Variants in IL1R1 observed in about 807,000 individuals in gnomAD.
IL1R1 encodes the protein interleukin-1 receptor type 1.
Under a neutral mutation model 50.2 loss-of-function variants are expected in IL1R1, and 22 were observed. That is an observed-to-expected ratio of 0.44 (90% CI 0.31 to 0.63). IL1R1 has a LOEUF of 0.63. Ranked by LOEUF, IL1R1 falls within the 20% of genes least tolerant of loss-of-function variation. IL1R1 has a pLI of 0.07. For missense variants in IL1R1, 509 were observed against 676.2 expected, an observed-to-expected ratio of 0.75 and a Z score of 2.74; for synonymous variants, 251 against 236.7, an observed-to-expected ratio of 1.06 and a Z score of -0.55.
intron 2 of IL1R1, 121 bp from the exon 3 acceptor site, chr2:102,157,598 A>T (rs1259488673): frequency 5.8e-6 from 4 of 687,620 alleles, no homozygotes; most frequent in Non-Finnish European, 1.0e-5. Context: ...AAACCAGTTC[A>T]TCAGTGTGAC....
intron 2 of IL1R1, among the ~76,000 whole-genome samples, chr2:102,154,586 A>G (rs1261811068): frequency 1.3e-5 from 2 of 151,484 alleles, no homozygotes; most frequent in African/African-American, 4.9e-5. Flanking sequence ...GTTCTCAAAT[A>G]TGCCCCCGCC....
rs1174643576 is a variant in IL1R1 at position 102,179,726 on chromosome 2, TGAA to T, written c.*2969_*2971del. On this transcript the variant is annotated 3_prime_UTR_variant, in exon 12 of 12. Transcript: ENST00000410023. ...GATAAATTATGTTTGTACTAGTTGATGAAGGAGTTTTTTTTAACCTGTTTATAT... is the reference window on the plus strand; with the variant it reads ...GATAAATTATGTTTGTACTAGTTGATGGAGTTTTTTTTAACCTGTTTATAT... 5 of 152,814 alleles carry T rather than the reference TGAA, an allele frequency of 3.3e-5. No homozygotes were observed. The highest frequency in any genetic ancestry group is 2.0e-4 in the Admixed American group (3 of 15,282). 9.5% of individuals were successfully genotyped at this position (152,814 alleles called of 1,614,324 possible).
At chr2:102,172,371 C>G in intron 8 of IL1R1, 3 of 985,374 alleles carry the variant, frequency 3.0e-6, no homozygotes, top group Non-Finnish European at 3.6e-6. Flanking sequence ...ACTTTGTCAT[C>G]TGCCCCAATC....
intron 1 of IL1R1, among the ~76,000 whole-genome samples, chr2:102,135,162 A>G (rs2104424733): frequency 6.6e-6 from 1 of 152,244 alleles, no homozygotes; most frequent in East Asian, 1.9e-4. Flanking sequence ...TAAAATCAAA[A>G]GGTAATAAAC....
In IL1R1 at chr2:102,163,851, G is replaced by A. The variant is rs147047693; in HGVS notation, c.62-923G>A. ...CCAGAATGTTCTTGAGCTTTGTTCT[G>A]CCACATGATTGTTACTTGGAAATGG... On this transcript the variant is annotated intron_variant, in intron 3 of 11. Coordinates refer to ENST00000410023, the MANE Select transcript of IL1R1 (RefSeq NM_000877.4). Among the ~76,000 whole-genome samples, 3 of 152,184 alleles carry A rather than the reference G, an allele frequency of 2.0e-5. No homozygotes were observed. The East Asian group carries it at 5.8e-4, about 29-fold the overall frequency.
chr2:102,143,172 G>A (rs1026023894), intron 1 of IL1R1, among the ~76,000 whole-genome samples, 152 bp downstream of exon 1: 2 of 152,192 alleles, frequency 1.3e-5, no homozygotes, highest in African/African-American at 4.8e-5. Context: ...AGGGGATGGC[G>A]GTGAGGTCTG....
At chr2:102,166,018 A>G (rs1685151133) in intron 5 of IL1R1, 95 bp from the exon 6 acceptor site, 3 of 1,048,968 alleles carry the variant, frequency 2.9e-6, no homozygotes, top group South Asian at 1.7e-5. Context: ...AAAATATAAC[A>G]TTTGCTAAGG....
intron 1 of IL1R1, among the ~76,000 whole-genome samples, chr2:102,093,850 C>T (rs569024086): frequency 2.3e-4 from 34 of 148,546 alleles, no homozygotes; most frequent in Non-Finnish European, 2.5e-4. Flanking sequence ...CGAGGAGACA[C>T]GCGCGGGGCA....
intron 1 of IL1R1, among the ~76,000 whole-genome samples, chr2:102,076,842 T>A (rs1219757874): frequency 1.3e-5 from 2 of 152,154 alleles, no homozygotes; most frequent in African/African-American, 4.8e-5. Flanking sequence ...AGTTACTGTA[T>A]TTGGGGGGTT....
At chr2:102,131,226 G>T (rs953886261) in intron 1 of IL1R1, among the ~76,000 whole-genome samples, 1 of 152,110 alleles carries the variant, frequency 6.6e-6, no homozygotes, top group African/African-American at 2.4e-5. Context: ...CCTGTCTGCC[G>T]AGTCTTAAAA....
chr2:102,096,875 C>CTTTT (rs11300476), intron 1 of IL1R1, among the ~76,000 whole-genome samples: 1 of 137,864 alleles, frequency 7.3e-6, no homozygotes, highest in Non-Finnish European at 1.6e-5. Context: ...TGAAGTGGAT[C>CTTTT]TTTTTTTTTT....
intron 1 of IL1R1, among the ~76,000 whole-genome samples, chr2:102,091,853 C>T (rs909012753): frequency 6.6e-6 from 1 of 152,142 alleles, no homozygotes; most frequent in African/African-American, 2.4e-5. Flanking sequence ...TTTTTAAGCT[C>T]CTATACAGAA....
In IL1R1 at chr2:102,164,765, C is replaced by T; in HGVS notation, c.62-9C>T. 1.9e-6 allele frequency: 3 copies of T among 1,600,096 alleles called. No homozygotes were observed. The highest frequency in any genetic ancestry group is 2.6e-6 in the Non-Finnish European group (3 of 1,169,078). On this transcript the variant is annotated splice_polypyrimidine_tract_variant and intron_variant, in intron 3 of 11. Transcript: ENST00000410023. ...ATGTAAATTGCTTCCACCCTTCTTCCTTTTAAAGATAAATGCAAGGAACGT... is the reference window on the plus strand; with the variant it reads ...ATGTAAATTGCTTCCACCCTTCTTCTTTTTAAAGATAAATGCAAGGAACGT...
intron 1 of IL1R1, among the ~76,000 whole-genome samples, chr2:102,150,913 TTGAG>T (rs760463221): frequency 3.3e-5 from 5 of 152,238 alleles, no homozygotes; most frequent in African/African-American, 7.2e-5. Context: ...TATTAATGTA[TTGAG>T]TAAGTTAATC....
chr2:102,097,089 C>T lies in IL1R1; in HGVS notation c.-84+26556C>T, dbSNP rs756851735. ...AGTGACTTAGCACAACAAAAGTTTA[C>T]GTCTCACAGTTGTTAAGTCTAAAGT... On this transcript the variant is annotated intron_variant, in intron 1 of 11. Transcript: ENST00000409929. Among the ~76,000 whole-genome samples, 7 of 152,164 alleles carry T rather than the reference C, an allele frequency of 4.6e-5. No homozygotes were observed. In the East Asian group the frequency reaches 5.8e-4, roughly 13 times the overall value.
intron 1 of IL1R1, among the ~76,000 whole-genome samples, chr2:102,124,359 G>A (rs1452049210): frequency 2.0e-5 from 3 of 151,972 alleles, no homozygotes; most frequent in Non-Finnish European, 4.4e-5. Context: ...GGTGGAGGAT[G>A]CAGTGAGCTG....
At chr2:102,083,149 C>T (rs1577801642) in intron 1 of IL1R1, among the ~76,000 whole-genome samples, 1 of 152,146 alleles carries the variant, frequency 6.6e-6, no homozygotes, top group East Asian at 1.9e-4. Context: ...CCTGAGGACA[C>T]TTAGTCCTAC....
chr2:102,075,199 C>T (rs1312203705), intron 1 of IL1R1, among the ~76,000 whole-genome samples: 2 of 152,186 alleles, frequency 1.3e-5, no homozygotes, highest in Non-Finnish European at 2.9e-5. Context: ...AACACCCTCC[C>T]AGACACTGTA....
At chr2:102,127,598 G>A (rs542091370) in intron 1 of IL1R1, among the ~76,000 whole-genome samples, 1 of 152,030 alleles carries the variant, frequency 6.6e-6, no homozygotes, top group Non-Finnish European at 1.5e-5. Context: ...GTCAGATGGT[G>A]ACACATGCTA....
Sources: gnomAD v4.1 joint callset for allele counts (sites outside exome capture counted in the v4.1 genomes callset) on GRCh38, gnomAD v4.1.1 for gene constraint, MANE v1.5 for transcripts, NCBI Gene and HGNC (gene_info 2026-07-23, HGNC 2026-07-21) for gene names.